AGK: variants seen among roughly 807,000 people sequenced by gnomAD.
The protein encoded by AGK is acylglycerol kinase, mitochondrial.
Under a neutral mutation model 66.4 loss-of-function variants are expected in AGK, and 52 were observed. The observed-to-expected ratio is 0.78, with a 90% CI of 0.63 to 0.99. The LOEUF (loss-of-function observed/expected upper bound fraction) is 0.99. AGK is among the 50% of genes least tolerant of loss of function. The probability of loss-of-function intolerance (pLI) is 0.00; values close to 1 mark genes in which losing one functional copy is unlikely to be tolerated. For synonymous variants in AGK, 182 were observed against 181.1 expected (o/e 1.00, Z -0.04); for missense variants, 451 against 506.6 (o/e 0.89, Z 1.05).
At chr7:141,583,213 T>C (rs1052331607) in intron 2 of AGK, among the ~76,000 whole-genome samples, 21 of 151,764 alleles carry the variant, frequency 1.4e-4, no homozygotes, top group Non-Finnish European at 1.0e-4. Flanking sequence ...GCATTTAGGT[T>C]TTAGGTCAGG....
intron 4 of AGK, among the ~76,000 whole-genome samples, chr7:141,599,718 C>T (rs1370730081): frequency 6.6e-6 from 1 of 152,100 alleles, no homozygotes; most frequent in Non-Finnish European, 1.5e-5. Flanking sequence ...TTTGCAGTAC[C>T]ACTAGCTCAG....
chr7:141,605,151 C>T (rs1425730259), intron 5 of AGK, among the ~76,000 whole-genome samples: 1 of 151,994 alleles, frequency 6.6e-6, no homozygotes, highest in Admixed American at 6.6e-5. Context: ...TCAGATTATC[C>T]AGGTAGCACG....
At chr7:141,652,529 A>G in intron 15 of AGK, 1 of 325,358 alleles carries the variant, frequency 3.1e-6, no homozygotes, top group Non-Finnish European at 5.7e-6. Flanking sequence ...AAATCCCAAA[A>G]TACTCTGGGA....
At chr7:141,620,174 G>T (rs1460041475) in intron 8 of AGK, among the ~76,000 whole-genome samples, 1 of 152,198 alleles carries the variant, frequency 6.6e-6, no homozygotes, top group Non-Finnish European at 1.5e-5. Flanking sequence ...AGCTGAAGGT[G>T]CAGGCAGTGG....
chr7:141,583,562 G>A (rs767068902), intron 2 of AGK, among the ~76,000 whole-genome samples: 93 of 151,716 alleles, frequency 6.1e-4, no homozygotes, highest in Admixed American at 3.3e-4. Context: ...GGTGGGGGGT[G>A]CTTGCCCCCC....
At chr7:141,651,487 A>G in intron 14 of AGK, 38 bp from the exon 15 acceptor site, 1 of 1,595,822 alleles carries the variant, frequency 6.3e-7, no homozygotes, top group Non-Finnish European at 8.6e-7. Context: ...TGCAGTTGCC[A>G]TCACTGGTCT....
chr7:141,590,301 G>A (rs1389283660), intron 2 of AGK, among the ~76,000 whole-genome samples: 1 of 152,200 alleles, frequency 6.6e-6, no homozygotes, highest in Non-Finnish European at 1.5e-5. Flanking sequence ...TAGAGGAGGA[G>A]CCTGGAAATG....
intron 8 of AGK, among the ~76,000 whole-genome samples, chr7:141,618,223 A>AT (rs1055944307): frequency 9.9e-5 from 15 of 152,248 alleles, no homozygotes; most frequent in African/African-American, 3.4e-4. Context: ...TTAGATGTGG[A>AT]TTTTTTCTTT....
In AGK at chr7:141,653,872, A is replaced by G. The variant is rs1797625166; in HGVS notation, c.*948A>G. 1 of 152,230 alleles carries G rather than the reference A, an allele frequency of 6.6e-6. No homozygotes were observed. The highest frequency in any genetic ancestry group is 2.4e-5 in the African/African-American group (1 of 41,464). 9.4% of individuals were successfully genotyped at this position (152,230 alleles called of 1,614,324 possible). A position where few individuals can be genotyped will look rare whatever the true frequency, so the allele number is the denominator to read the frequency against. On this transcript the variant is annotated 3_prime_UTR_variant, in exon 16 of 16. Coordinates refer to ENST00000649286, the MANE Select transcript of AGK (RefSeq NM_018238.4). ...TTGCTGGTGTCGTGTAAATATTGGT[A>G]TTTTAAAATAAAAACTGTTACATCA...
chr7:141,619,832 T>A (rs1390269021), intron 8 of AGK, among the ~76,000 whole-genome samples: 4 of 152,162 alleles, frequency 2.6e-5, no homozygotes, highest in Admixed American at 2.0e-4. Context: ...CAATCACACT[T>A]ATAGGTACTT....
chr7:141,593,180 G>A lies in AGK; in HGVS notation c.136G>A (p.Ala46Thr). ...CCTAAGGAGAGCAGCCTGTCAAGAAGCTCAGGTAATACTACTTAATGTGAT... is the reference window on the plus strand; with the variant it reads ...CCTAAGGAGAGCAGCCTGTCAAGAAACTCAGGTAATACTACTTAATGTGAT... ...NLLRRAACQE[A>T]QVFGNQLIPP... The change falls in exon 3 of 16, where the codon GCT becomes ACT. Residue 46 changes from alanine (A) to threonine (T), a missense_variant. Transcript: ENST00000649286. 6.2e-7 allele frequency: 1 copy of A among 1,612,228 alleles called. No homozygotes were observed. The highest frequency in any genetic ancestry group is 8.5e-7 in the Non-Finnish European group (1 of 1,179,524).
At chr7:141,608,878 A>C (rs549462004) in intron 5 of AGK, among the ~76,000 whole-genome samples, 1 of 152,318 alleles carries the variant, frequency 6.6e-6, no homozygotes, top group South Asian at 2.1e-4. Flanking sequence ...CTGTCAAAGA[A>C]GGAAATGAGG....
Position 141,566,614 on chromosome 7 carries a change from G to A in AGK, c.101+11047G>A, listed in dbSNP as rs150466253. 2.0e-3 allele frequency among the ~76,000 whole-genome samples: 300 copies of A among 152,080 alleles called. 1 individual carries two copies. In the Middle Eastern group the frequency reaches 0.024, roughly 12 times the overall value. On this transcript the variant is annotated intron_variant, in intron 2 of 15. Coordinates refer to ENST00000649286, the MANE Select transcript of AGK (RefSeq NM_018238.4). The stretch of plus-strand genomic sequence containing the variant: ...TCTATGTTCTCTATACTTATTCTTA[G>A]ACAACCTAACTCCTAGTTCAAAGAG...
chr7:141,626,003 A>G (rs1422203505), intron 9 of AGK, among the ~76,000 whole-genome samples: 1 of 152,146 alleles, frequency 6.6e-6, no homozygotes, highest in African/African-American at 2.4e-5. Flanking sequence ...TTAGAAATAT[A>G]TTTTTTAAAA....
intron 13 of AGK, among the ~76,000 whole-genome samples, chr7:141,648,103 G>A (rs1384602814): frequency 1.3e-5 from 2 of 152,060 alleles, no homozygotes; most frequent in African/African-American, 4.8e-5. Context: ...CCTCCTTCAG[G>A]CCTCCTCTCC....
At chr7:141,602,399 G>C (rs924659074) in intron 5 of AGK, among the ~76,000 whole-genome samples, 72 of 151,978 alleles carry the variant, frequency 4.7e-4, no homozygotes, top group African/African-American at 1.7e-3. Flanking sequence ...AAGTACTCAG[G>C]TTTCATTCTT....
In AGK at chr7:141,573,359, T is replaced by TA. The variant is rs143775499; in HGVS notation, c.101+17802dup. Among the ~76,000 whole-genome samples the TA allele has an allele frequency of 3.7e-3, 566 of 151,070 alleles. 1 individual carries two copies. The highest frequency in any genetic ancestry group is 6.8e-3 in the Middle Eastern group (2 of 292). Reference sequence around the variant, plus strand: ...TATCCAGAAAGCAGATTTCTTCTTTTAAAAAAAAAATCTATATATTTATTT... The same window carrying TA: ...TATCCAGAAAGCAGATTTCTTCTTTTAAAAAAAAAAATCTATATATTTATTT... On this transcript the variant is annotated intron_variant, in intron 2 of 15. Coordinates refer to ENST00000649286, the MANE Select transcript of AGK (RefSeq NM_018238.4).
Position 141,649,371 on chromosome 7 carries a change from A to AT in AGK, c.1046+42dup, listed in dbSNP as rs142028872. The AT allele has an allele frequency of 4.5e-3, 6,556 of 1,458,482 alleles. 17 individuals are homozygous for AT. The highest frequency in any genetic ancestry group is 5.7e-3 in the Non-Finnish European group (5,917 of 1,041,688). 90.3% of individuals were successfully genotyped at this position (1,458,482 alleles called of 1,614,324 possible). On this transcript the variant is annotated intron_variant, in intron 14 of 15. Coordinates refer to ENST00000649286, the MANE Select transcript of AGK (RefSeq NM_018238.4). ...GGGTTCACAGGAAATGAGGCTTGTGATTTTCTCAGATTTTACTATTCAGAG... is the reference window on the plus strand; with the variant it reads ...GGGTTCACAGGAAATGAGGCTTGTGATTTTTCTCAGATTTTACTATTCAGAG...
Position 141,568,625 on chromosome 7 carries a change from G to A in AGK, c.101+13058G>A, listed in dbSNP as rs183879961. On this transcript the variant is annotated intron_variant, in intron 2 of 15. Transcript: ENST00000649286. ...CTCACTCTGTCACCCAGGCTGGAGT[G>A]CAGTGACACGATCTTGGCTCACTGC... is the stretch of plus-strand genomic sequence containing the variant. Among the ~76,000 whole-genome samples the A allele has an allele frequency of 8.0e-3, 1,198 of 150,606 alleles. 16 individuals are homozygous for A. Among genetic ancestry groups the A allele is most frequent in the African/African-American group, 0.028 (1,127 of 40,820 alleles).
Sources: allele counts gnomAD v4.1 joint callset (sites outside exome capture counted in the v4.1 genomes callset), GRCh38; gene constraint gnomAD v4.1.1; transcripts MANE v1.5; gene names NCBI Gene and HGNC (gene_info 2026-07-23, HGNC 2026-07-21).